The following SH2B2 variants were observed in gnomAD, a reference collection of about 807,000 sequenced individuals.
The protein encoded by SH2B2 is SH2B adapter protein 2.
In SH2B2, 37 loss-of-function variants were observed where a neutral mutation model predicts 35.7. The observed-to-expected ratio is 1.04, with a 90% confidence interval of 0.80 to 1.36. The LOEUF is 1.36. Among genes scored for constraint, SH2B2 ranks in the 40% most tolerant of loss-of-function variants. The pLI is 0.00. For synonymous variants in SH2B2, 383 were observed against 376.4 expected, an observed-to-expected ratio of 1.02 and a Z score of -0.20; for missense variants, 852 against 817.7, an observed-to-expected ratio of 1.04 and a Z score of -0.51.
chr7:102,306,717 C>T lies in SH2B2; in HGVS notation c.730-4C>T, dbSNP rs1554554908. ...CCACTCACTATCCTTCTTCTGGCCCCCAGGCCTCCAGGCCCAAGGTCAGCA... is the reference window on the plus strand; with the variant it reads ...CCACTCACTATCCTTCTTCTGGCCCTCAGGCCTCCAGGCCCAAGGTCAGCA... On this transcript the variant is annotated splice_polypyrimidine_tract_variant and splice_region_variant and intron_variant, in intron 2 of 8. Coordinates refer to ENST00000444095, the MANE Select transcript of SH2B2 (RefSeq NM_001359228.2). 1 of 1,582,512 alleles carries T rather than the reference C, an allele frequency of 6.3e-7. No individual in the cohort carries two copies. The highest frequency in any genetic ancestry group is 8.6e-7 in the Non-Finnish European group (1 of 1,164,328).
chr7:102,306,704 C>T lies in SH2B2; in HGVS notation c.730-17C>T. The T allele has an allele frequency of 6.4e-7, 1 of 1,558,254 alleles. No homozygotes were observed. On this transcript the variant is annotated splice_polypyrimidine_tract_variant and intron_variant, in intron 2 of 8. Coordinates refer to ENST00000444095, the MANE Select transcript of SH2B2 (RefSeq NM_001359228.2). ...GGAAATGCTGGGGCCACTCACTATCCTTCTTCTGGCCCCCAGGCCTCCAGG... is the reference window on the plus strand; with the variant it reads ...GGAAATGCTGGGGCCACTCACTATCTTTCTTCTGGCCCCCAGGCCTCCAGG...
At chr7:102,318,009 T>C (rs551085470) in intron 7 of SH2B2, among the ~76,000 whole-genome samples, 1 of 151,812 alleles carries the variant, frequency 6.6e-6, no homozygotes, top group Admixed American at 6.6e-5. Context: ...GGAGGGAGAA[T>C]TGTGGAGGGG....
chr7:102,312,439 G>T (rs896392077), intron 4 of SH2B2, among the ~76,000 whole-genome samples: 1 of 152,170 alleles, frequency 6.6e-6, no homozygotes. Context: ...GGACAGCAGT[G>T]TAGAAAGAGG....
intron 2 of SH2B2, among the ~76,000 whole-genome samples, chr7:102,301,686 C>T (rs936406480): frequency 3.3e-5 from 5 of 151,640 alleles, no homozygotes; most frequent in Non-Finnish European, 7.4e-5. Context: ...ATTCTCCTGC[C>T]TCAGCCTCCC....
intron 2 of SH2B2, among the ~76,000 whole-genome samples, chr7:102,303,979 G>T (rs1793298087): frequency 6.6e-6 from 1 of 152,124 alleles, no homozygotes; most frequent in Non-Finnish European, 1.5e-5. Flanking sequence ...GTCATGCAAA[G>T]GTGGGGGCAT....
At chr7:102,289,654 A>G (rs1165633385) in intron 1 of SH2B2, among the ~76,000 whole-genome samples, 1 of 151,920 alleles carries the variant, frequency 6.6e-6, no homozygotes, top group Non-Finnish European at 1.5e-5. Flanking sequence ...AGGTCTCAGG[A>G]GGCACTGGTA....
intron 4 of SH2B2, chr7:102,309,254 T>G (rs1554555499): frequency 2.2e-6 from 1 of 455,438 alleles, no homozygotes; most frequent in South Asian, 1.7e-5. Flanking sequence ...GGCTCACATC[T>G]GTGACCCCAA....
chr7:102,315,166 G>A (rs1793773813), intron 6 of SH2B2, among the ~76,000 whole-genome samples: 1 of 150,646 alleles, frequency 6.6e-6, no homozygotes, highest in South Asian at 2.1e-4. Flanking sequence ...TCCAGCCTGG[G>A]CGACAGAGTG....
intron 8 of SH2B2, among the ~76,000 whole-genome samples, 163 bp downstream of exon 8, chr7:102,320,665 G>A (rs75126175): frequency 0.044 from 6,681 of 152,078 alleles, 198 homozygotes; most frequent in Non-Finnish European, 0.061. Flanking sequence ...AAGCAGTCAC[G>A]TCATAAGGAA....
In SH2B2 at chr7:102,312,162, A is replaced by G. The variant is rs763267521; in HGVS notation, c.924-2174A>G. On this transcript the variant is annotated intron_variant, in intron 4 of 8. Coordinates refer to ENST00000444095, the MANE Select transcript of SH2B2 (RefSeq NM_001359228.2). ...GCCGAGGCAGGCGGATCACGAGGTC[A>G]GGAGTTTGAGACCAGCTTGGCCAAC... Among the ~76,000 whole-genome samples, 47 of 151,958 alleles carry G rather than the reference A, an allele frequency of 3.1e-4. 1 individual carries two copies. Among genetic ancestry groups the G allele is most frequent in the Admixed American group, 1.4e-3 (22 of 15,260 alleles).
intron 2 of SH2B2, among the ~76,000 whole-genome samples, chr7:102,305,570 AT>A (rs1178648582): frequency 1.7e-4 from 26 of 152,154 alleles, no homozygotes; most frequent in Non-Finnish European, 2.9e-4. Flanking sequence ...CAAGACCAGC[AT>A]TTTTTAAAAC....
chr7:102,310,489 C>T (rs9691298), intron 4 of SH2B2, among the ~76,000 whole-genome samples: 6,376 of 151,978 alleles, frequency 0.042, 449 homozygotes, highest in African/African-American at 0.15. Context: ...AGGGCAGTTA[C>T]GGTCAGCTGT....
intron 6 of SH2B2, among the ~76,000 whole-genome samples, chr7:102,315,798 A>C: frequency 7.9e-6 from 1 of 126,762 alleles, no homozygotes; most frequent in South Asian, 3.0e-4. Flanking sequence ...GGAGGGAGGG[A>C]GGGAAGGAAG....
At chr7:102,301,537 C>CGTGTGT (rs139217859) in intron 2 of SH2B2, among the ~76,000 whole-genome samples, 2 of 148,108 alleles carry the variant, frequency 1.4e-5, no homozygotes, top group African/African-American at 2.5e-5. Context: ...TTTTTCTTTT[C>CGTGTGT]GTGTGTGTGT....
In SH2B2 at chr7:102,317,390, G is replaced by C. The variant is rs782377832; in HGVS notation, c.1390G>C (p.Ala464Pro). 1.6e-5 allele frequency: 25 copies of C among 1,573,898 alleles called. No individual in the cohort carries two copies. The highest frequency in any genetic ancestry group is 2.1e-5 in the Non-Finnish European group (24 of 1,152,986). ...GCTGACCTTCAACTTCCAGGGCAAG[G>C]CCAAGGCAAGTGTGTGGGGGGCGCC... ...YVLTFNFQGKAKHLRLSLNGH... is the reference protein window; with the variant it reads ...YVLTFNFQGKPKHLRLSLNGH... Residue 464 changes from alanine (A) to proline (P), a missense_variant, in exon 7 of 9, where the codon GCC (alanine) becomes CCC (proline). Ala to Pro is a conservative substitution (Grantham distance 27). Coordinates refer to ENST00000444095, the MANE Select transcript of SH2B2 (RefSeq NM_001359228.2).
chr7:102,314,318 C>A lies in SH2B2; in HGVS notation c.924-18C>A. The A allele has an allele frequency of 2.5e-6, 1 of 398,652 alleles. No homozygotes were observed. 24.7% of individuals were successfully genotyped at this position (398,652 alleles called of 1,614,324 possible). On this transcript the variant is annotated intron_variant, in intron 4 of 8. Transcript: ENST00000444095. ...AAGTCCCACGGCAGGACATGGTTTC[C>A]ATTTCTTGTCTCCACAGTGACAGTG...
rs782094941 is a variant in SH2B2 at position 102,300,738 on chromosome 7, G to A, written c.188G>A (p.Arg63His). ...CCCGACGCCGGCGCCTCCTTCTCCCGCCACTTCGCCGCCAACTTCCTGGAC... is the reference window on the plus strand; with the variant it reads ...CCCGACGCCGGCGCCTCCTTCTCCCACCACTTCGCCGCCAACTTCCTGGAC... The part of the protein sequence containing the change: ...DTPDAGASFS[R>H]HFAANFLDVF... The change falls in exon 2 of 9, where the codon CGC (arginine) becomes CAC (histidine). Residue 63 changes from arginine (R) to histidine (H), a missense_variant. Arg to His is a conservative substitution (Grantham distance 29, BLOSUM62 0). Transcript: ENST00000444095. The A allele has an allele frequency of 2.3e-5, 35 of 1,539,678 alleles. No individual in the cohort carries two copies. The highest frequency in any genetic ancestry group is 3.0e-5 in the Non-Finnish European group (34 of 1,139,576).
Position 102,306,779 on chromosome 7 carries a change from T to C in SH2B2, c.788T>C (p.Met263Thr). ...GCCATCATTGAGGTCCGCACCACCATGCCCCTGGAAATGCCAGAGAAGGAT... is the reference window on the plus strand; with the variant it reads ...GCCATCATTGAGGTCCGCACCACCACGCCCCTGGAAATGCCAGAGAAGGAT... ...LSAIIEVRTT[M>T]PLEMPEKDNT... The change falls in exon 3 of 9, where the codon ATG becomes ACG. Residue 263 changes from methionine to threonine, a missense_variant. This residue lies in a region of SH2B2 where 556 missense variants were observed against 514.5 expected (regional missense o/e 1.08). Transcript: ENST00000444095. The C allele has an allele frequency of 6.2e-7, 1 of 1,600,284 alleles. No homozygotes were observed. The highest frequency in any genetic ancestry group is 8.5e-7 in the Non-Finnish European group (1 of 1,173,736).
Position 102,297,317 on chromosome 7 carries a change from TGGGAGG to T in SH2B2, c.-29-3204_-29-3199del. On this transcript the variant is annotated intron_variant, in intron 1 of 8. Transcript: ENST00000444095. This position sits in a 1 kb window ranked among gnomAD's most constrained non-coding sequence, Gnocchi z 4.3. ...GCTCGTGCCTGTAATTTCAGCACTTTGGGAGGCCAAGGCCAGAGGATTGCTTGAACC... is the reference window on the plus strand; with the variant it reads ...GCTCGTGCCTGTAATTTCAGCACTTTCCAAGGCCAGAGGATTGCTTGAACC... 6.6e-6 allele frequency among the ~76,000 whole-genome samples: 1 copy of T among 151,994 alleles called. No homozygotes were observed. The highest frequency in any genetic ancestry group is 1.5e-5 in the Non-Finnish European group (1 of 67,978).
Sources: gnomAD v4.1 joint callset for allele counts (sites outside exome capture counted in the v4.1 genomes callset) on GRCh38, gnomAD v4.1.1 for gene constraint, gnomAD v4.1.1 regional missense constraint, Gnocchi (gnomAD v3.1) non-coding constraint, MANE v1.5 for transcripts, NCBI Gene and HGNC (gene_info 2026-07-23, HGNC 2026-07-21) for gene names.